Variants in BLMH observed in about 807,000 individuals in gnomAD.
The protein encoded by BLMH is bleomycin hydrolase, also known as BLM hydrolase.
BLMH carries 32 observed loss-of-function variants against 61.6 expected under a neutral mutation model. That is an observed-to-expected ratio of 0.52 (90% CI 0.39 to 0.70). The LOEUF (loss-of-function observed/expected upper bound fraction) is 0.70. BLMH is among the 30% of genes least tolerant of loss of function. The probability of loss-of-function intolerance (pLI) is 0.00; values close to 1 mark genes in which losing one functional copy is unlikely to be tolerated. For synonymous variants in BLMH, 183 were observed against 193.8 expected (o/e 0.94, Z 0.46); for missense variants, 460 against 555.5 (o/e 0.83, Z 1.73).
At chr17:30,268,576 T>C (rs938707937) in intron 10 of BLMH, among the ~76,000 whole-genome samples, 1 of 152,168 alleles carries the variant, frequency 6.6e-6, no homozygotes, top group African/African-American at 2.4e-5. Flanking sequence ...CAACCCATGC[T>C]AATCAAAGAA....
At chr17:30,256,880 A>G (rs745542497) in intron 11 of BLMH, among the ~76,000 whole-genome samples, 4 of 152,356 alleles carry the variant, frequency 2.6e-5, no homozygotes, top group East Asian at 3.9e-4. Flanking sequence ...CAATTTGTCA[A>G]CCGCTTCTGT....
At chr17:30,282,390 C>T (rs951683615) in intron 6 of BLMH, among the ~76,000 whole-genome samples, 8 of 151,964 alleles carry the variant, frequency 5.3e-5, no homozygotes, top group Non-Finnish European at 8.8e-5. Flanking sequence ...ATGTTTTTTT[C>T]GTATTTTAGT....
At chr17:30,281,597 A>G (rs1337221452) in intron 6 of BLMH, among the ~76,000 whole-genome samples, 1 of 152,144 alleles carries the variant, frequency 6.6e-6, no homozygotes, top group Non-Finnish European at 1.5e-5. Flanking sequence ...CATTATCCCA[A>G]TACTTTTCCT....
At chr17:30,265,782 C>T (rs2143021065) in intron 11 of BLMH, among the ~76,000 whole-genome samples, 1 of 152,324 alleles carries the variant, frequency 6.6e-6, no homozygotes, top group African/African-American at 2.4e-5. Context: ...AATCTACATG[C>T]TCACAGGTAC....
At chr17:30,284,693 A>G (rs1908681191) in intron 6 of BLMH, among the ~76,000 whole-genome samples, 1 of 152,244 alleles carries the variant, frequency 6.6e-6, no homozygotes, top group Non-Finnish European at 1.5e-5. Flanking sequence ...TAACAAATAT[A>G]ACCATCAATA....
intron 6 of BLMH, among the ~76,000 whole-genome samples, chr17:30,277,010 A>G (rs1185229844): frequency 6.6e-6 from 1 of 152,224 alleles, no homozygotes; most frequent in Non-Finnish European, 1.5e-5. Flanking sequence ...TGTGAGATTC[A>G]CACACATTGC....
At chr17:30,258,835 A>G (rs1333549504) in intron 11 of BLMH, among the ~76,000 whole-genome samples, 1 of 152,188 alleles carries the variant, frequency 6.6e-6, no homozygotes, top group Non-Finnish European at 1.5e-5. Context: ...TGTTTCAGAC[A>G]AAGTCTGCTT....
chr17:30,291,725 C>T, intron 1 of BLMH, 82 bp downstream of exon 1: 1 of 1,417,454 alleles, frequency 7.1e-7, no homozygotes, highest in South Asian at 1.5e-5. Context: ...GGGTCCCAGC[C>T]CCCGGCCTTC....
At chr17:30,272,280 A>G in intron 9 of BLMH, 2 of 459,056 alleles carry the variant, frequency 4.4e-6, no homozygotes, top group Non-Finnish European at 7.8e-6. Flanking sequence ...ATAGTCAATT[A>G]TTTTTTTAAA....
At chr17:30,267,060 C>A in intron 10 of BLMH, 106 bp from the exon 11 acceptor site, 1 of 886,398 alleles carries the variant, frequency 1.1e-6, no homozygotes, top group South Asian at 1.5e-5. Context: ...ACAGCCTGCT[C>A]TATACAGGCA....
At chr17:30,257,361 A>G (rs1461907716) in intron 11 of BLMH, among the ~76,000 whole-genome samples, 1 of 152,230 alleles carries the variant, frequency 6.6e-6, no homozygotes, top group Non-Finnish European at 1.5e-5. Context: ...CTGTAAGTGA[A>G]GTGAGGACAA....
At chr17:30,263,515 G>C (rs1388362719) in intron 11 of BLMH, among the ~76,000 whole-genome samples, 1 of 152,186 alleles carries the variant, frequency 6.6e-6, no homozygotes, top group Admixed American at 6.5e-5. Context: ...ACCCAGGTTG[G>C]TATTACATGT....
chr17:30,248,831 TCC>T lies in BLMH; in HGVS notation c.*184_*185del. The T allele has an allele frequency of 1.6e-5, 10 of 643,240 alleles. No individual in the cohort carries two copies. Among genetic ancestry groups the T allele is most frequent in the Admixed American group, 3.1e-5 (1 of 31,930 alleles). The allele number at this position is 643,240 out of a possible 1,614,324, so 39.8% of individuals were successfully genotyped here. A position where few individuals can be genotyped will look rare whatever the true frequency, so the allele number is the denominator to read the frequency against. ...ACCTGATCTTCCCCCCTCTTTTTTT[TCC>T]TTTAACAGTATTCTGTTTCAGCATA... On this transcript the variant is annotated 3_prime_UTR_variant, in exon 12 of 12. Coordinates refer to ENST00000261714, the MANE Select transcript of BLMH (RefSeq NM_000386.4).
chr17:30,267,083 C>T, intron 10 of BLMH, 129 bp from the exon 11 acceptor site: 1 of 740,026 alleles, frequency 1.4e-6, no homozygotes, highest in South Asian at 1.6e-5. Flanking sequence ...CTGCTCTATA[C>T]AGGCAGCCTG....
At chr17:30,273,983 C>T in intron 7 of BLMH, 59 bp downstream of exon 7, 1 of 1,583,186 alleles carries the variant, frequency 6.3e-7, no homozygotes, top group South Asian at 1.1e-5. Context: ...ATACAATTCC[C>T]TGTGGTTAAC....
intron 2 of BLMH, chr17:30,291,023 C>G: frequency 2.6e-6 from 1 of 384,838 alleles, no homozygotes; most frequent in East Asian, 4.3e-5. Flanking sequence ...CTCCAAGACA[C>G]GGGCTACAAA....
intron 6 of BLMH, among the ~76,000 whole-genome samples, chr17:30,276,276 C>T (rs1349868358): frequency 6.6e-6 from 1 of 152,188 alleles, no homozygotes; most frequent in Non-Finnish European, 1.5e-5. Context: ...GGATATTATC[C>T]CCCTTTTACA....
At chr17:30,270,247 C>A (rs1379942665) in intron 10 of BLMH, among the ~76,000 whole-genome samples, 1 of 152,158 alleles carries the variant, frequency 6.6e-6, no homozygotes, top group African/African-American at 2.4e-5. Flanking sequence ...TGCCTGTAAT[C>A]CCAGCACTTT....
intron 11 of BLMH, among the ~76,000 whole-genome samples, chr17:30,262,369 C>A (rs1262034431): frequency 6.6e-6 from 1 of 152,202 alleles, no homozygotes; most frequent in Non-Finnish European, 1.5e-5. Flanking sequence ...TATTGACTAT[C>A]AAATACACTA....
Sources: gnomAD v4.1 joint callset for allele counts (sites outside exome capture counted in the v4.1 genomes callset) on GRCh38, gnomAD v4.1.1 for gene constraint, MANE v1.5 for transcripts, NCBI Gene and HGNC (gene_info 2026-07-23, HGNC 2026-07-21) for gene names.